Variants in NMT1 observed in about 807,000 individuals in gnomAD.
NMT1 encodes the protein glycylpeptide N-tetradecanoyltransferase 1.
A neutral mutation model predicts 63.4 loss-of-function variants in NMT1; 12 were observed. The ratio of observed to expected loss-of-function variants is 0.19; its 90% CI spans 0.12 to 0.31. NMT1 has a LOEUF of 0.31. Ranked by LOEUF, NMT1 falls within the 10% of genes least tolerant of loss-of-function variation. The pLI is 1.00. For synonymous variants in NMT1, 228 were observed against 234.3 expected, an observed-to-expected ratio of 0.97 and a Z score of 0.25; for missense variants, 432 against 634.6, an observed-to-expected ratio of 0.68 and a Z score of 3.43.
chr17:45,064,218 G>A (rs1162401784), intron 1 of NMT1, among the ~76,000 whole-genome samples: 2 of 152,126 alleles, frequency 1.3e-5, no homozygotes, highest in Admixed American at 6.6e-5. Flanking sequence ...TTTATTTGTA[G>A]TAGAAGTAAG....
intron 1 of NMT1, among the ~76,000 whole-genome samples, chr17:45,075,172 A>C (rs1231035372): frequency 2.0e-5 from 3 of 152,144 alleles, no homozygotes; most frequent in Non-Finnish European, 4.4e-5. Flanking sequence ...TGGGTGACAG[A>C]GCAAGACCCT....
In NMT1 at chr17:45,104,870, T is replaced by G; in HGVS notation, c.1344T>G (p.Asp448Glu). The change falls in exon 11 of 12, where the codon GAT (aspartate) becomes GAG (glutamate). Residue 448 changes from aspartate to glutamate, a missense_variant. This residue lies in a region of NMT1 where 295 missense variants were observed against 489.7 expected (regional missense o/e 0.60). Coordinates refer to ENST00000258960, the MANE Select transcript of NMT1 (RefSeq NM_021079.5). The surrounding 1 kb of genome is among the most constrained non-coding windows in gnomAD (Gnocchi z 4.2). ...CTGCTGCTTTGCAGAAAGGGTTTGA[T>G]GTGTTCAATGCACTGGATCTCATGG... ...ALVLAKMKGF[D>E]VFNALDLMEN... 6.2e-7 allele frequency: 1 copy of G among 1,614,216 alleles called. No homozygotes were observed. Among genetic ancestry groups the G allele is most frequent in the Non-Finnish European group, 8.5e-7 (1 of 1,180,038 alleles).
chr17:45,102,610 C>G (rs754019437), intron 8 of NMT1, among the ~76,000 whole-genome samples: 59 of 152,342 alleles, frequency 3.9e-4, no homozygotes, highest in Non-Finnish European at 5.9e-4. Context: ...GCAGAAGGTA[C>G]AGCTAGAAAG....
At chr17:45,081,558 T>A in intron 1 of NMT1, 86 bp from the exon 2 acceptor site, 1 of 1,187,608 alleles carries the variant, frequency 8.4e-7, no homozygotes, top group Non-Finnish European at 1.2e-6. Flanking sequence ...TTAAGGAAGG[T>A]CTGGCTCCAC....
chr17:45,071,644 T>C (rs2053939904), intron 1 of NMT1: 1 of 152,212 alleles, frequency 6.6e-6, no homozygotes, highest in African/African-American at 2.4e-5. Context: ...CTTTTTTTTC[T>C]TATGTTGTAA....
chr17:45,104,174 TCTC>T lies in NMT1; in HGVS notation c.1332+302_1332+304del. 3 of 1,300,034 alleles carry T rather than the reference TCTC, an allele frequency of 2.3e-6. No individual in the cohort carries two copies. The highest frequency in any genetic ancestry group is 3.0e-6 in the Non-Finnish European group (3 of 1,013,078). 80.5% of individuals were successfully genotyped at this position (1,300,034 alleles called of 1,614,324 possible). ...AGGCCTTCCCTGGGAGGACAGGGCT[TCTC>T]CTCACAGCTTTCCCAGCGTGGGAAA... On this transcript the variant is annotated intron_variant, in intron 10 of 11. Coordinates refer to ENST00000258960, the MANE Select transcript of NMT1 (RefSeq NM_021079.5). This position sits in a 1 kb window ranked among gnomAD's most constrained non-coding sequence, Gnocchi z 4.2.
At chr17:45,085,137 C>T (rs1370584991) in intron 2 of NMT1, among the ~76,000 whole-genome samples, 2 of 152,028 alleles carry the variant, frequency 1.3e-5, no homozygotes, top group African/African-American at 4.8e-5. Context: ...CCTATAGTTC[C>T]AGCTACTCAA....
At chr17:45,071,190 G>A (rs574202635) in intron 1 of NMT1, among the ~76,000 whole-genome samples, 21 of 152,292 alleles carry the variant, frequency 1.4e-4, no homozygotes, top group Admixed American at 1.0e-3. Flanking sequence ...AGAGGTTAGA[G>A]TTTATTTTAA....
In NMT1 at chr17:45,102,816, G is replaced by C. The variant is rs573776617; in HGVS notation, c.994-135G>C. ...TACGGAAGAGGCAGGCCCTGTGCCT[G>C]AGGAGATATGCACGGGGGTGCAGGG... On this transcript the variant is annotated intron_variant, in intron 8 of 11. Coordinates refer to ENST00000258960, the MANE Select transcript of NMT1 (RefSeq NM_021079.5). The C allele has an allele frequency of 4.3e-4, 296 of 691,456 alleles. 1 individual carries two copies. In the East Asian group the frequency reaches 8.1e-3, roughly 19 times the overall value. The allele number at this position is 691,456 out of a possible 1,614,324, so 42.8% of individuals were successfully genotyped here.
At chr17:45,101,007 C>T (rs2143518996) in intron 8 of NMT1, among the ~76,000 whole-genome samples, 1 of 149,550 alleles carries the variant, frequency 6.7e-6, no homozygotes, top group African/African-American at 2.5e-5. Flanking sequence ...TGGTGAAACC[C>T]CGTCTCTACT....
chr17:45,062,774 C>G (rs2053874297), intron 1 of NMT1, among the ~76,000 whole-genome samples: 1 of 152,140 alleles, frequency 6.6e-6, no homozygotes, highest in African/African-American at 2.4e-5. Flanking sequence ...ATAATGTTGG[C>G]AAGGCAAAAA....
At chr17:45,098,247 C>A in intron 6 of NMT1, 135 bp from the exon 7 acceptor site, 1 of 742,390 alleles carries the variant, frequency 1.3e-6, no homozygotes, top group Non-Finnish European at 2.3e-6. Context: ...AGTCCCAGTA[C>A]TGAGTGCAGG....
At chr17:45,077,241 C>T (rs1411973331) in intron 1 of NMT1, among the ~76,000 whole-genome samples, 2 of 151,848 alleles carry the variant, frequency 1.3e-5, no homozygotes, top group Admixed American at 1.3e-4. Flanking sequence ...TTCATATTAC[C>T]ATAATTTGTT....
At chr17:45,090,920 G>A (rs114741955) in intron 3 of NMT1, among the ~76,000 whole-genome samples, 47 of 152,134 alleles carry the variant, frequency 3.1e-4, no homozygotes, top group African/African-American at 1.0e-3. Flanking sequence ...TAAGGGAGAA[G>A]GCAGGCTGCT....
At position 45,104,439 on chromosome 17, in the gene NMT1, C is replaced by T. The variant is rs2054190170; in HGVS notation, c.1333-420C>T. The T allele has an allele frequency of 2.1e-5, 23 of 1,098,062 alleles. 1 individual carries two copies. In the South Asian group the frequency reaches 5.6e-4, roughly 27 times the overall value. The allele number at this position is 1,098,062 out of a possible 1,614,324, so 68.0% of individuals were successfully genotyped here. On this transcript the variant is annotated intron_variant, in intron 10 of 11. Transcript: ENST00000258960. This position sits in a 1 kb window ranked among gnomAD's most constrained non-coding sequence, Gnocchi z 4.2. The stretch of plus-strand genomic sequence containing the variant: ...AGCAGGTGTCATACAACATGAGGTG[C>T]ACTGAGGGCCTGAGAGTTGGGGCAT...
At chr17:45,096,054 G>A (rs2054123173) in intron 4 of NMT1, 140 bp from the exon 5 acceptor site, 2 of 652,774 alleles carry the variant, frequency 3.1e-6, no homozygotes, top group East Asian at 2.7e-5. Flanking sequence ...TACCATGCCA[G>A]GGGGCAGAAG....
intron 1 of NMT1, among the ~76,000 whole-genome samples, chr17:45,073,996 G>C (rs2053960021): frequency 6.6e-6 from 1 of 152,040 alleles, no homozygotes; most frequent in African/African-American, 2.4e-5. Flanking sequence ...ATGGACCCTC[G>C]CTGCTCCTGT....
rs753837145 is a variant in NMT1 at position 45,106,746 on chromosome 17, T to C, written c.*1107T>C. Reference sequence around the variant, plus strand: ...TTTCTTGTTGTGCCCCTTTCCAAGATACAGCCTGCAAGTGGTAGCAAGAAG... The same window carrying C: ...TTTCTTGTTGTGCCCCTTTCCAAGACACAGCCTGCAAGTGGTAGCAAGAAG... On this transcript the variant is annotated 3_prime_UTR_variant, in exon 12 of 12. Coordinates refer to ENST00000258960, the MANE Select transcript of NMT1 (RefSeq NM_021079.5). 6.5e-6 allele frequency: 1 copy of C among 152,688 alleles called. No homozygotes were observed. Among genetic ancestry groups the C allele is most frequent in the African/African-American group, 2.4e-5 (1 of 41,462 alleles). The allele number at this position is 152,688 out of a possible 1,614,324, so 9.5% of individuals were successfully genotyped here.
intron 1 of NMT1, among the ~76,000 whole-genome samples, chr17:45,074,765 T>C (rs893264676): frequency 6.6e-6 from 1 of 152,222 alleles, no homozygotes; most frequent in Non-Finnish European, 1.5e-5. Context: ...AGTTGGACTT[T>C]GGTTTGCTGT....
Sources: gnomAD v4.1 joint callset for allele counts (sites outside exome capture counted in the v4.1 genomes callset) on GRCh38, gnomAD v4.1.1 for gene constraint, gnomAD v4.1.1 regional missense constraint, Gnocchi (gnomAD v3.1) non-coding constraint, MANE v1.5 for transcripts, NCBI Gene and HGNC (gene_info 2026-07-23, HGNC 2026-07-21) for gene names.